PHF24: variants seen among roughly 807,000 people sequenced by gnomAD.
The protein encoded by PHF24 is Galpha inhibitory interacting protein.
A neutral mutation model predicts 42.6 loss-of-function variants in PHF24; 25 were observed. The ratio of observed to expected loss-of-function variants is 0.59; its 90% CI spans 0.43 to 0.82. PHF24 has a LOEUF of 0.82. PHF24 is among the 40% of genes least tolerant of loss of function. PHF24 has a pLI of 0.00. For missense variants in PHF24, 470 were observed against 538.1 expected (o/e 0.87, Z 1.25); for synonymous variants, 185 against 204.8 (o/e 0.90, Z 0.83).
chr9:34,882,207 G>A, the PHF24 span, among the ~76,000 whole-genome samples: 1 of 152,054 alleles, frequency 6.6e-6, no homozygotes, highest in East Asian at 1.9e-4. Flanking sequence ...TTGATGGGAC[G>A]TATCTCAAAA....
the PHF24 span, among the ~76,000 whole-genome samples, chr9:34,870,750 A>G: frequency 2.6e-5 from 4 of 152,060 alleles, no homozygotes; most frequent in Non-Finnish European, 4.4e-5. Flanking sequence ...CATGGAATCA[A>G]CCCAAAGACC....
upstream of PHF24, among the ~76,000 whole-genome samples, chr9:34,952,966 T>G (rs1371119743): frequency 6.6e-6 from 1 of 152,104 alleles, no homozygotes. Flanking sequence ...TACACAAAAA[T>G]TAATTAAAAA....
In PHF24 at chr9:34,967,666, C is replaced by A. The variant is rs148571687; in HGVS notation, c.-4-3629C>A. Among the ~76,000 whole-genome samples, 152 of 152,330 alleles carry A rather than the reference C, an allele frequency of 1.0e-3. 1 individual carries two copies. The highest frequency in any genetic ancestry group is 1.4e-3 in the Non-Finnish European group (92 of 68,030). On this transcript the variant is annotated intron_variant, in intron 1 of 7. Coordinates refer to ENST00000242315, the Ensembl canonical transcript of PHF24. ...TTGCATCCCACCCAGCCATCGAACACGCTGTTGCCCATGAGGCATTTGAGC... is the reference window on the plus strand; with the variant it reads ...TTGCATCCCACCCAGCCATCGAACAAGCTGTTGCCCATGAGGCATTTGAGC...
At chr9:34,890,137 A>T in the PHF24 span, among the ~76,000 whole-genome samples, 1 of 152,204 alleles carries the variant, frequency 6.6e-6, no homozygotes, top group East Asian at 1.9e-4. Flanking sequence ...AGTTTTACCT[A>T]AGAAAGATCC....
the PHF24 span, among the ~76,000 whole-genome samples, chr9:34,701,642 G>A: frequency 3.3e-5 from 5 of 152,092 alleles, no homozygotes; most frequent in Admixed American, 1.3e-4. This position sits in a 1 kb window ranked among gnomAD's most constrained non-coding sequence, Gnocchi z 5.8. Context: ...GGGTCCCCGC[G>A]CGCGGGCCGG....
the PHF24 span, among the ~76,000 whole-genome samples, chr9:34,869,848 T>C: frequency 6.6e-6 from 1 of 152,088 alleles, no homozygotes; most frequent in Non-Finnish European, 1.5e-5. Flanking sequence ...TCTTTTTGAG[T>C]CCTCACCACA....
chr9:34,959,497 GC>G (rs1427674734), intron 1 of PHF24, among the ~76,000 whole-genome samples: 1 of 152,220 alleles, frequency 6.6e-6, no homozygotes, highest in Non-Finnish European at 1.5e-5. Flanking sequence ...GTACTAAGGA[GC>G]AGCAGAAGAA....
chr9:34,798,461 T>C, the PHF24 span, among the ~76,000 whole-genome samples: 1 of 152,186 alleles, frequency 6.6e-6, no homozygotes, highest in African/African-American at 2.4e-5. Context: ...TGAGAACATA[T>C]ATTATTTGGT....
the PHF24 span, among the ~76,000 whole-genome samples, chr9:34,719,979 T>A: frequency 6.6e-6 from 1 of 152,144 alleles, no homozygotes; most frequent in Non-Finnish European, 1.5e-5. Flanking sequence ...CAGGGACATA[T>A]CCATGTTTCT....
At chr9:34,723,152 G>A in the PHF24 span, 1 of 1,460,978 alleles carries the variant, frequency 6.8e-7, no homozygotes, top group African/African-American at 1.4e-5. Context: ...AGCAGTTGGG[G>A]AGCCTATAAA....
chr9:34,727,879 C>A, the PHF24 span: 2 of 716,536 alleles, frequency 2.8e-6, no homozygotes, highest in Non-Finnish European at 4.5e-6. Flanking sequence ...TCCCTGGCAA[C>A]CCTCTCACCC....
At chr9:34,967,910 A>T (rs1826835323) in intron 1 of PHF24, among the ~76,000 whole-genome samples, 1 of 152,248 alleles carries the variant, frequency 6.6e-6, no homozygotes, top group African/African-American at 2.4e-5. Flanking sequence ...TCATTAACAG[A>T]CAGAGAACTA....
the PHF24 span, chr9:34,837,522 A>G: frequency 1.5e-6 from 1 of 647,380 alleles, no homozygotes; most frequent in Non-Finnish European, 2.7e-6. Context: ...CCACCCATGG[A>G]AGTTTCAGTC....
chr9:34,797,753 G>A, the PHF24 span, among the ~76,000 whole-genome samples: 1 of 152,040 alleles, frequency 6.6e-6, no homozygotes, highest in South Asian at 2.1e-4. Flanking sequence ...GGATGGGGGC[G>A]CGGCAGGCCA....
At chr9:34,718,538 CAG>C in the PHF24 span, among the ~76,000 whole-genome samples, 1 of 152,346 alleles carries the variant, frequency 6.6e-6, no homozygotes, top group South Asian at 2.1e-4. Context: ...GCAGAGGACA[CAG>C]GGGCTATTCT....
the PHF24 span, chr9:34,922,956 C>T: frequency 9.0e-3 from 11,790 of 1,308,832 alleles, 148 homozygotes; most frequent in South Asian, 0.043. Context: ...CACCTTGTGT[C>T]GGCATGGCCT....
the PHF24 span, among the ~76,000 whole-genome samples, chr9:34,933,330 A>T: frequency 6.6e-6 from 1 of 152,250 alleles, no homozygotes; most frequent in African/African-American, 2.4e-5. Flanking sequence ...GCTAATATTT[A>T]TTAAGCATTT....
At chr9:34,744,855 T>G in the PHF24 span, among the ~76,000 whole-genome samples, 4 of 152,092 alleles carry the variant, frequency 2.6e-5, no homozygotes, top group African/African-American at 9.7e-5. Context: ...AGATATCACC[T>G]GTCATGACTT....
chr9:34,833,844 T>G, the PHF24 span: 2 of 1,551,414 alleles, frequency 1.3e-6, no homozygotes. Context: ...TCTGCTGGGA[T>G]TTCCACGGGA....
Sources: gnomAD v4.1 joint callset for allele counts (sites outside exome capture counted in the v4.1 genomes callset) on GRCh38, gnomAD v4.1.1 for gene constraint, Gnocchi (gnomAD v3.1) non-coding constraint, MANE v1.5 for transcripts, NCBI Gene and HGNC (gene_info 2026-07-23, HGNC 2026-07-21) for gene names.